NBAS: variants seen among roughly 807,000 people sequenced by gnomAD.
The protein encoded by NBAS is NAG/BC035112 fusion.
A neutral mutation model predicts 302.5 loss-of-function variants in NBAS; 219 were observed. That is an observed-to-expected ratio of 0.72 (90% CI 0.65 to 0.81). NBAS has a LOEUF of 0.81. Ranked by LOEUF, NBAS falls within the 30% of genes least tolerant of loss-of-function variation. The probability of loss-of-function intolerance (pLI) is 0.00; values close to 1 mark genes in which losing one functional copy is unlikely to be tolerated. For synonymous variants in NBAS, 1,118 were observed against 1,021.6 expected (o/e 1.09, Z -1.80); for missense variants, 2,932 against 2,841.6 (o/e 1.03, Z -0.72).
chr2:15,547,683 C>T (rs1558430127), intron 6 of NBAS, among the ~76,000 whole-genome samples: 2 of 152,306 alleles, frequency 1.3e-5, no homozygotes, highest in East Asian at 1.9e-4. Flanking sequence ...TAAGCACGCT[C>T]CTCAGAAACC....
chr2:14,877,054 C>A, the NBAS span, among the ~76,000 whole-genome samples: 6 of 152,220 alleles, frequency 3.9e-5, no homozygotes, highest in Non-Finnish European at 8.8e-5. Flanking sequence ...GTTCTTAACT[C>A]TGAGCTCTCC....
the NBAS span, among the ~76,000 whole-genome samples, chr2:15,086,925 C>T: frequency 6.6e-6 from 1 of 152,138 alleles, no homozygotes; most frequent in Non-Finnish European, 1.5e-5. Context: ...TGTGGGTGGG[C>T]CTTATCCAAT....
chr2:15,422,423 C>T (rs1291496236), intron 23 of NBAS, among the ~76,000 whole-genome samples: 1 of 152,018 alleles, frequency 6.6e-6, no homozygotes, highest in East Asian at 1.9e-4. Flanking sequence ...AAATGCAGGA[C>T]GTTACTAATA....
chr2:15,436,429 T>C (rs1678017682), intron 21 of NBAS, among the ~76,000 whole-genome samples: 1 of 152,166 alleles, frequency 6.6e-6, no homozygotes. Flanking sequence ...AATGAATCAC[T>C]GTGCTTCTCA....
the NBAS span, among the ~76,000 whole-genome samples, chr2:14,979,297 T>C: frequency 2.0e-5 from 3 of 152,208 alleles, no homozygotes; most frequent in African/African-American, 7.2e-5. Context: ...GGTTTTTCTT[T>C]AAATAGTCAT....
the NBAS span, among the ~76,000 whole-genome samples, chr2:14,971,666 T>C: frequency 1.3e-5 from 2 of 152,240 alleles, no homozygotes; most frequent in South Asian, 4.2e-4. Context: ...CATCACCAAT[T>C]TGACTACTTA....
At chr2:15,461,065 A>G (rs1005524729) in intron 21 of NBAS, 136 bp downstream of exon 21, 1 of 845,906 alleles carries the variant, frequency 1.2e-6, no homozygotes, top group Non-Finnish European at 1.8e-6. Flanking sequence ...CATTTACAAT[A>G]ACTTAATTTT....
At chr2:14,868,580 G>C in the NBAS span, among the ~76,000 whole-genome samples, 1 of 152,106 alleles carries the variant, frequency 6.6e-6, no homozygotes, top group African/African-American at 2.4e-5. Flanking sequence ...TTGTAGGCAC[G>C]GACGGAATTT....
At chr2:15,330,493 C>T (rs1290121007) in intron 36 of NBAS, 105 bp downstream of exon 36, 1 of 1,445,790 alleles carries the variant, frequency 6.9e-7, no homozygotes, top group Non-Finnish European at 9.5e-7. Flanking sequence ...ATTGTTTTAA[C>T]AATCTAGAGA....
chr2:15,512,887 T>C (rs554708837), intron 9 of NBAS, among the ~76,000 whole-genome samples: 7 of 152,282 alleles, frequency 4.6e-5, no homozygotes, highest in African/African-American at 9.6e-5. Flanking sequence ...AAAATGAATA[T>C]ATACCTTTTT....
intron 44 of NBAS, among the ~76,000 whole-genome samples, chr2:15,263,838 G>T (rs1558485818): frequency 6.6e-6 from 1 of 152,122 alleles, no homozygotes; most frequent in Non-Finnish European, 1.5e-5. Flanking sequence ...CCCCATTTAT[G>T]AAGAGATCTC....
At chr2:15,042,442 A>G in the NBAS span, among the ~76,000 whole-genome samples, 2 of 152,180 alleles carry the variant, frequency 1.3e-5, no homozygotes, top group Non-Finnish European at 2.9e-5. Context: ...GATCCAGGAA[A>G]TTGGAAAATA....
At chr2:15,252,568 G>A (rs1228718863) in intron 44 of NBAS, among the ~76,000 whole-genome samples, 1 of 151,588 alleles carries the variant, frequency 6.6e-6, no homozygotes, top group Admixed American at 6.6e-5. Flanking sequence ...TGAACATAAG[G>A]CTGTTATTTA....
chr2:15,279,155 C>T (rs1052695888), intron 42 of NBAS, among the ~76,000 whole-genome samples: 1 of 151,936 alleles, frequency 6.6e-6, no homozygotes, highest in Non-Finnish European at 1.5e-5. Flanking sequence ...ATCTTATTGA[C>T]AAAGATTTGC....
intron 39 of NBAS, among the ~76,000 whole-genome samples, 194 bp from the exon 40 acceptor site, chr2:15,308,547 A>C (rs986002808): frequency 6.6e-6 from 1 of 152,236 alleles, no homozygotes; most frequent in Non-Finnish European, 1.5e-5. Flanking sequence ...ATGCAGTAAA[A>C]GTAGATGTAA....
At chr2:15,271,905 TCAA>T (rs574352507) in intron 44 of NBAS, among the ~76,000 whole-genome samples, 17 of 152,100 alleles carry the variant, frequency 1.1e-4, no homozygotes, top group Non-Finnish European at 1.6e-4. Context: ...CTAATCTGAT[TCAA>T]CAACAACAAC....
At chr2:14,838,818 G>A in the NBAS span, among the ~76,000 whole-genome samples, 1 of 151,664 alleles carries the variant, frequency 6.6e-6, no homozygotes, top group East Asian at 1.9e-4. Flanking sequence ...TTACAAAATA[G>A]AAAGAAAGGT....
At chr2:15,486,554 AC>A (rs1014820446) in intron 12 of NBAS, among the ~76,000 whole-genome samples, 2 of 152,146 alleles carry the variant, frequency 1.3e-5, no homozygotes, top group Non-Finnish European at 2.9e-5. Context: ...TGTTCAAAAC[AC>A]TTTTGCTAAG....
At chr2:15,119,163 C>G in the NBAS span, among the ~76,000 whole-genome samples, 640 of 152,204 alleles carry the variant, frequency 4.2e-3, 4 homozygotes, top group African/African-American at 0.015. Flanking sequence ...GCCCATGGCA[C>G]TGAGCAGGGA....
Sources: gnomAD v4.1 joint callset for allele counts (sites outside exome capture counted in the v4.1 genomes callset) on GRCh38, gnomAD v4.1.1 for gene constraint, MANE v1.5 for transcripts, NCBI Gene and HGNC (gene_info 2026-07-23, HGNC 2026-07-21) for gene names.